The following STK33 variants were observed in gnomAD, a reference collection of about 807,000 sequenced individuals.
The protein encoded by STK33 is serine/threonine-protein kinase 33.
Under a neutral mutation model 58.0 loss-of-function variants are expected in STK33, and 52 were observed. That is an observed-to-expected ratio of 0.90 (90% CI 0.72 to 1.13). The LOEUF (loss-of-function observed/expected upper bound fraction) is 1.13, where lower values mean the gene tolerates loss of function less well. Ranked by LOEUF, STK33 falls within the 50% of genes most tolerant of loss-of-function variation. The pLI, the probability that STK33 is intolerant of heterozygous loss-of-function variation, is 0.00. For missense variants in STK33, 630 were observed against 604.2 expected, an observed-to-expected ratio of 1.04 and a Z score of -0.45; for synonymous variants, 215 against 200.1, an observed-to-expected ratio of 1.07 and a Z score of -0.63.
At chr11:8,467,708 AG>A (rs1323999697) in intron 6 of STK33, 1 of 152,474 alleles carries the variant, frequency 6.6e-6, no homozygotes, top group Non-Finnish European at 1.5e-5. Context: ...GTATTTTGGG[AG>A]GCCAAGGCAG....
chr11:8,522,247 T>C (rs1431859452), intron 1 of STK33, among the ~76,000 whole-genome samples: 1 of 152,210 alleles, frequency 6.6e-6, no homozygotes, highest in Non-Finnish European at 1.5e-5. Flanking sequence ...AATGATTGAC[T>C]GGATTAAGAA....
At chr11:8,490,301 A>G (rs1950513822) in intron 1 of STK33, among the ~76,000 whole-genome samples, 1 of 152,196 alleles carries the variant, frequency 6.6e-6, no homozygotes, top group Non-Finnish European at 1.5e-5. Context: ...ACGCCTATGG[A>G]GCCTTGCTCA....
intron 1 of STK33, among the ~76,000 whole-genome samples, chr11:8,488,221 A>G (rs935787769): frequency 2.6e-5 from 4 of 152,332 alleles, no homozygotes; most frequent in African/African-American, 7.2e-5. Flanking sequence ...AAATAATTAC[A>G]AGCAGGTGTT....
intron 1 of STK33, among the ~76,000 whole-genome samples, chr11:8,581,272 C>A (rs567723179): frequency 6.6e-6 from 1 of 152,164 alleles, no homozygotes; most frequent in South Asian, 2.1e-4. Flanking sequence ...CATAATATTT[C>A]TGTATATATG....
intron 1 of STK33, among the ~76,000 whole-genome samples, chr11:8,529,987 GT>G (rs1219389271): frequency 1.6e-4 from 24 of 152,186 alleles, no homozygotes; most frequent in African/African-American, 4.8e-4. Flanking sequence ...AGAGCTGGAT[GT>G]TTTTAAATGA....
In STK33 at chr11:8,445,866, T is replaced by C. The variant is rs561981240; in HGVS notation, c.872-5113A>G. ...CTTTTTTTGTTGTGTCTCTGCCAGG[T>C]TTTGGTATCAGGATGATGCTGGCCT... is the stretch of plus-strand genomic sequence containing the variant. On this transcript the variant is annotated intron_variant, in intron 11 of 15. Transcript: ENST00000687296. Among the ~76,000 whole-genome samples the C allele has an allele frequency of 1.6e-3, 241 of 152,266 alleles. 1 individual carries two copies. Among genetic ancestry groups the C allele is most frequent in the African/African-American group, 5.6e-3 (234 of 41,536 alleles).
At chr11:8,577,032 G>A (rs1380199364) in intron 1 of STK33, among the ~76,000 whole-genome samples, 1 of 152,176 alleles carries the variant, frequency 6.6e-6, no homozygotes, top group African/African-American at 2.4e-5. Flanking sequence ...CTACAGGCAT[G>A]AGTCACCATG....
chr11:8,490,692 CA>C (rs1293634378), intron 1 of STK33, among the ~76,000 whole-genome samples: 1 of 152,100 alleles, frequency 6.6e-6, no homozygotes, highest in Non-Finnish European at 1.5e-5. Flanking sequence ...CTCATACAGG[CA>C]GGTGCCCCTC....
chr11:8,442,804 T>C (rs536041994), intron 11 of STK33, among the ~76,000 whole-genome samples: 1 of 152,230 alleles, frequency 6.6e-6, no homozygotes, highest in Admixed American at 6.5e-5. Context: ...AATAAACTAC[T>C]GATACAACAT....
At chr11:8,463,165 C>G (rs1947776139) in intron 7 of STK33, among the ~76,000 whole-genome samples, 1 of 152,116 alleles carries the variant, frequency 6.6e-6, no homozygotes, top group Admixed American at 6.5e-5. Flanking sequence ...AAAGGTTAAC[C>G]TAGAGCAGCA....
At chr11:8,553,368 A>G (rs1956504097) in intron 1 of STK33, among the ~76,000 whole-genome samples, 1 of 151,340 alleles carries the variant, frequency 6.6e-6, no homozygotes, top group South Asian at 2.1e-4. Context: ...AACTGGAAGT[A>G]CAGTAAGTTT....
chr11:8,371,108 C>A, the STK33 span, among the ~76,000 whole-genome samples: 4 of 152,180 alleles, frequency 2.6e-5, no homozygotes, highest in Non-Finnish European at 5.9e-5. Flanking sequence ...ACGTAATGGG[C>A]TAAAGGGTGT....
intron 1 of STK33, among the ~76,000 whole-genome samples, chr11:8,512,994 T>TA (rs1952463934): frequency 6.6e-6 from 1 of 152,228 alleles, no homozygotes; most frequent in African/African-American, 2.4e-5. Context: ...GAGAAAAAAT[T>TA]AAACAAATTA....
At chr11:8,523,557 G>A (rs536193024) in intron 1 of STK33, among the ~76,000 whole-genome samples, 42 of 151,476 alleles carry the variant, frequency 2.8e-4, no homozygotes, top group South Asian at 4.2e-4. Context: ...CCCTCCACCC[G>A]GCAGCCGCCC....
chr11:8,424,061 A>C (rs1942341761), intron 14 of STK33, among the ~76,000 whole-genome samples: 1 of 151,884 alleles, frequency 6.6e-6, no homozygotes, highest in East Asian at 1.9e-4. Context: ...ATATGTATAC[A>C]TGTGCCATGT....
At chr11:8,464,184 G>C (rs1418265925) in intron 7 of STK33, among the ~76,000 whole-genome samples, 3 of 152,140 alleles carry the variant, frequency 2.0e-5, no homozygotes, top group East Asian at 3.9e-4. Context: ...TCGTTCCCCA[G>C]TTCAAGAGGA....
intron 14 of STK33, among the ~76,000 whole-genome samples, chr11:8,434,925 A>G (rs1479970418): frequency 6.6e-6 from 1 of 152,230 alleles, no homozygotes; most frequent in African/African-American, 2.4e-5. Flanking sequence ...ACTGAGGGAT[A>G]AGCAGTAGCC....
rs576187969 is a variant in STK33 at position 8,544,162 on chromosome 11, C to T, written c.-466+49921G>A. 9.7e-4 allele frequency among the ~76,000 whole-genome samples: 147 copies of T among 151,864 alleles called. No individual in the cohort carries two copies. In the Middle Eastern group the frequency reaches 0.01, roughly 11 times the overall value. On this transcript the variant is annotated intron_variant, in intron 1 of 15. Transcript: ENST00000687296. The stretch of plus-strand genomic sequence containing the variant: ...TCTCCTAATGCTATCCCTCCCATAG[C>T]CCCCCATCCCCCGACAGGCACGGGT...
intron 1 of STK33, among the ~76,000 whole-genome samples, chr11:8,587,567 G>T (rs2031899083): frequency 6.8e-6 from 1 of 146,422 alleles, no homozygotes; most frequent in Admixed American, 7.0e-5. Context: ...ATTCCAGAGG[G>T]AGGAGTTTTC....
Sources: allele counts gnomAD v4.1 joint callset (sites outside exome capture counted in the v4.1 genomes callset), GRCh38; gene constraint gnomAD v4.1.1; transcripts MANE v1.5; gene names NCBI Gene and HGNC (gene_info 2026-07-23, HGNC 2026-07-21).